PLCH1: variants seen among roughly 807,000 people sequenced by gnomAD.
PLCH1 encodes the protein phospholipase C eta 1, also known as 1-phosphatidylinositol 4,5-bisphosphate phosphodiesterase eta-1.
Under a neutral mutation model 126.7 loss-of-function variants are expected in PLCH1, and 60 were observed. That is an observed-to-expected ratio of 0.47 (90% confidence interval 0.38 to 0.59). The LOEUF is 0.59. PLCH1 is among the 20% of genes least tolerant of loss of function. The pLI, the probability that PLCH1 is intolerant of heterozygous loss-of-function variation, is 0.00. For synonymous variants in PLCH1, 719 were observed against 734.9 expected (o/e 0.98, Z 0.35); for missense variants, 1,723 against 2,040.0 (o/e 0.84, Z 2.99).
At chr3:155,517,980 C>CA (rs1720583481) in intron 11 of PLCH1, among the ~76,000 whole-genome samples, 1 of 152,122 alleles carries the variant, frequency 6.6e-6, no homozygotes, top group Non-Finnish European at 1.5e-5. Flanking sequence ...GGAGATACAT[C>CA]AAAAAATCCT....
chr3:155,489,305 T>C (rs1015055290), intron 19 of PLCH1, among the ~76,000 whole-genome samples: 38 of 152,332 alleles, frequency 2.5e-4, no homozygotes, highest in African/African-American at 8.4e-4. Context: ...AGCAATTCTC[T>C]AAGTTTTTTT....
chr3:155,558,187 G>T (rs1469355251), intron 8 of PLCH1, among the ~76,000 whole-genome samples: 1 of 152,190 alleles, frequency 6.6e-6, no homozygotes, highest in African/African-American at 2.4e-5. Context: ...TCACAATAGT[G>T]TGAAAATACT....
Position 155,583,564 on chromosome 3 carries a change from G to T in PLCH1, c.679C>A (p.Arg227=). 1 of 1,602,870 alleles carries T rather than the reference G, an allele frequency of 6.2e-7. No individual in the cohort carries two copies. The highest frequency in any genetic ancestry group is 2.3e-5 in the East Asian group (1 of 44,212). The change falls in exon 6 of 23, where the codon CGA becomes AGA. Residue 227 remains arginine, a synonymous_variant. Transcript: ENST00000460012. ...CTCAAAAGTAACAAATAAAGGTCTC[G>T]TCTCAAAGACATCATTTTGTAAAAA... The part of the protein sequence containing the change: ...CVFYKMMSLR[R]DLYLLLLSYS...
chr3:155,455,240 C>T (rs114871316), intron 21 of PLCH1, among the ~76,000 whole-genome samples: 174 of 152,292 alleles, frequency 1.1e-3, no homozygotes, highest in African/African-American at 4.1e-3. Context: ...GAAGCCACAA[C>T]CCTCACCCTG....
chr3:155,480,992 T>A lies in PLCH1; in HGVS notation c.5034A>T (p.Glu1678Asp), dbSNP rs569383782. The A allele has an allele frequency of 1.9e-6, 3 of 1,586,746 alleles. No homozygotes were observed. The East Asian group carries it at 6.8e-5, about 36-fold the overall frequency. The change falls in exon 23 of 23, where the codon GAA becomes GAT. Residue 1678 changes from glutamate to aspartate, a missense_variant. Physicochemically the swap from Glu to Asp is conservative, Grantham distance 45. This residue lies in a region of PLCH1 where 947 missense variants were observed against 977.1 expected (regional missense o/e 0.97). Transcript: ENST00000460012. ...QTEPSSDDKP[E>D]IYFLLRL Reference sequence around the variant, plus strand: ...TTCACAGTCTCAAAAGAAAATAAATTTCTGGTTTATCATCACTGCTTGGCT... The same window carrying A: ...TTCACAGTCTCAAAAGAAAATAAATATCTGGTTTATCATCACTGCTTGGCT...
chr3:155,550,407 C>A (rs1402384515), intron 9 of PLCH1, among the ~76,000 whole-genome samples: 1 of 152,144 alleles, frequency 6.6e-6, no homozygotes, highest in East Asian at 1.9e-4. Context: ...TTAACCCCCA[C>A]CTTGAAAATT....
chr3:155,740,766 A>T (rs1408871833), intron 1 of PLCH1, among the ~76,000 whole-genome samples: 1 of 152,180 alleles, frequency 6.6e-6, no homozygotes, highest in African/African-American at 2.4e-5. Flanking sequence ...AAACAACAAG[A>T]TCATTAGAAA....
chr3:155,598,873 C>T (rs934748069), intron 2 of PLCH1, among the ~76,000 whole-genome samples: 9 of 152,230 alleles, frequency 5.9e-5, no homozygotes, highest in Admixed American at 5.2e-4. Flanking sequence ...TGTGTATTTA[C>T]GTCCCCAAAG....
intron 1 of PLCH1, among the ~76,000 whole-genome samples, chr3:155,737,178 G>A (rs1304735058): frequency 2.4e-5 from 3 of 126,424 alleles, no homozygotes; most frequent in African/African-American, 8.5e-5. Flanking sequence ...GTTGCAGTGA[G>A]CCGAGATCAC....
At chr3:155,531,158 A>G (rs974116750) in intron 10 of PLCH1, among the ~76,000 whole-genome samples, 37 of 152,216 alleles carry the variant, frequency 2.4e-4, no homozygotes, top group African/African-American at 8.7e-4. Context: ...TTAAGAGCCT[A>G]GGGGATGAAA....
intron 4 of PLCH1, among the ~76,000 whole-genome samples, chr3:155,587,943 A>G (rs906839282): frequency 2.0e-5 from 3 of 152,228 alleles, no homozygotes; most frequent in Non-Finnish European, 4.4e-5. Flanking sequence ...GAATAAGGTG[A>G]TAGATAGAAA....
chr3:155,619,250 T>C (rs990344993), intron 2 of PLCH1, among the ~76,000 whole-genome samples: 1 of 150,062 alleles, frequency 6.7e-6, no homozygotes, highest in Non-Finnish European at 1.5e-5. Context: ...ACTGTACACT[T>C]TATACTCTAT....
intron 10 of PLCH1, among the ~76,000 whole-genome samples, chr3:155,537,201 C>CAAAAAAAAAAAAAAAAAAAAAAA (rs1560128167): frequency 3.0e-5 from 4 of 132,108 alleles, no homozygotes; most frequent in African/African-American, 1.2e-4. Context: ...AAAAAAAAAA[C>CAAAAAAAAAAAAAAAAAAAAAAA]CAAAAAAAAA....
chr3:155,501,736 A>T (rs1717935585), intron 13 of PLCH1, among the ~76,000 whole-genome samples: 1 of 151,880 alleles, frequency 6.6e-6, no homozygotes, highest in Non-Finnish European at 1.5e-5. Flanking sequence ...TGGAGGTTGC[A>T]GCGAGCCGAG....
chr3:155,537,207 A>AAC (rs1723523807), intron 10 of PLCH1, among the ~76,000 whole-genome samples: 1 of 5,888 alleles, frequency 1.7e-4, no homozygotes, highest in East Asian at 1.2e-3. Context: ...AAAACCAAAA[A>AAC]AAAAAAAAAA....
chr3:155,566,607 C>T (rs562076452), intron 7 of PLCH1, among the ~76,000 whole-genome samples: 1 of 151,078 alleles, frequency 6.6e-6, no homozygotes, highest in African/African-American at 2.4e-5. Flanking sequence ...AAAAGTTAAA[C>T]ACTGTCTAAA....
intron 2 of PLCH1, among the ~76,000 whole-genome samples, chr3:155,605,898 G>C (rs191411030): frequency 5.0e-4 from 76 of 151,964 alleles, no homozygotes; most frequent in African/African-American, 1.7e-3. Context: ...GACACCTCAT[G>C]TATCTGTGGC....
chr3:155,719,553 C>T (rs1220832093), intron 1 of PLCH1, among the ~76,000 whole-genome samples: 2 of 151,816 alleles, frequency 1.3e-5, no homozygotes, highest in Non-Finnish European at 2.9e-5. Context: ...ATAAGCAAAT[C>T]CAATATATGA....
At chr3:155,605,768 T>C (rs1734275917) in intron 2 of PLCH1, among the ~76,000 whole-genome samples, 1 of 152,178 alleles carries the variant, frequency 6.6e-6, no homozygotes, top group South Asian at 2.1e-4. Context: ...ACCTTTGCCA[T>C]TTATTGATTT....
Sources: gnomAD v4.1 joint callset for allele counts (sites outside exome capture counted in the v4.1 genomes callset) on GRCh38, gnomAD v4.1.1 for gene constraint, gnomAD v4.1.1 regional missense constraint, MANE v1.5 for transcripts, NCBI Gene and HGNC (gene_info 2026-07-23, HGNC 2026-07-21) for gene names.